SEMA3A: variants seen among roughly 807,000 people sequenced by gnomAD.
The protein encoded by SEMA3A is semaphorin-3A.
Under a neutral mutation model 97.9 loss-of-function variants are expected in SEMA3A, and 29 were observed. That is an observed-to-expected ratio of 0.30 (90% confidence interval 0.22 to 0.40). The LOEUF (loss-of-function observed/expected upper bound fraction) is 0.40. Among genes scored for constraint, SEMA3A ranks in the 10% least tolerant of loss-of-function variants. The probability of loss-of-function intolerance (pLI) is 1.00; values close to 1 mark genes in which losing one functional copy is unlikely to be tolerated. For synonymous variants in SEMA3A, 321 were observed against 323.7 expected, an observed-to-expected ratio of 0.99 and a Z score of 0.09; for missense variants, 763 against 951.3, an observed-to-expected ratio of 0.80 and a Z score of 2.60.
chr7:84,300,090 T>C (rs2115822369), intron 3 of SEMA3A, among the ~76,000 whole-genome samples: 1 of 136,752 alleles, frequency 7.3e-6, no homozygotes, highest in African/African-American at 2.7e-5. Context: ...CTATGATAAC[T>C]GAAATAAGAA....
chr7:83,970,102 T>C (rs1301194124), intron 15 of SEMA3A, among the ~76,000 whole-genome samples: 2 of 152,166 alleles, frequency 1.3e-5, no homozygotes, highest in Non-Finnish European at 2.9e-5. Flanking sequence ...AACAAAATAA[T>C]TGAGAGCAAC....
At chr7:84,456,275 G>A (rs899312281) in intron 1 of SEMA3A, among the ~76,000 whole-genome samples, 6 of 151,904 alleles carry the variant, frequency 3.9e-5, no homozygotes, top group Non-Finnish European at 5.9e-5. Context: ...AAATCAAGTC[G>A]ATTTGGGGAG....
At chr7:84,173,113 TA>T (rs1797444227) in intron 1 of SEMA3A, among the ~76,000 whole-genome samples, 1 of 152,310 alleles carries the variant, frequency 6.6e-6, no homozygotes, top group East Asian at 1.9e-4. Context: ...CTTTTTGAAG[TA>T]AAAGCATAGT....
intron 1 of SEMA3A, among the ~76,000 whole-genome samples, chr7:84,154,451 G>T (rs1458544218): frequency 6.6e-6 from 1 of 152,052 alleles, no homozygotes; most frequent in African/African-American, 2.4e-5. Flanking sequence ...GCCCAGGCAA[G>T]TGGATCACAA....
chr7:84,062,459 G>C (rs1282426358), intron 4 of SEMA3A, among the ~76,000 whole-genome samples: 1 of 152,212 alleles, frequency 6.6e-6, no homozygotes, highest in African/African-American at 2.4e-5. Context: ...ACGGCTCCCA[G>C]AGTGAGCGAC....
At chr7:84,309,983 A>C (rs1188490926) in intron 2 of SEMA3A, among the ~76,000 whole-genome samples, 1 of 152,212 alleles carries the variant, frequency 6.6e-6, no homozygotes, top group African/African-American at 2.4e-5. Context: ...AAACATTGGC[A>C]AGATCTATAA....
intron 1 of SEMA3A, among the ~76,000 whole-genome samples, chr7:84,391,671 A>C (rs750801379): frequency 2.0e-5 from 3 of 152,044 alleles, no homozygotes; most frequent in Non-Finnish European, 4.4e-5. Context: ...AAAACATTTT[A>C]AAAAATTATC....
chr7:84,394,607 T>C (rs1186282663), intron 1 of SEMA3A, among the ~76,000 whole-genome samples: 1 of 152,142 alleles, frequency 6.6e-6, no homozygotes, highest in Admixed American at 6.6e-5. Context: ...AGAGTCATAG[T>C]TGATGGCTGA....
chr7:84,442,751 A>G (rs772361365), intron 1 of SEMA3A, among the ~76,000 whole-genome samples: 26 of 152,118 alleles, frequency 1.7e-4, no homozygotes, highest in Non-Finnish European at 3.5e-4. Context: ...TCCAAAGATT[A>G]AAATGGGTCG....
intron 1 of SEMA3A, among the ~76,000 whole-genome samples, chr7:84,137,690 A>T (rs1389664210): frequency 5.2e-5 from 3 of 57,648 alleles, no homozygotes; most frequent in Admixed American, 1.7e-4. Flanking sequence ...GCCAAACTTT[A>T]AAAAAAAAAA....
chr7:84,405,967 C>T (rs920341844), intron 1 of SEMA3A, among the ~76,000 whole-genome samples: 1 of 151,874 alleles, frequency 6.6e-6, no homozygotes, highest in Non-Finnish European at 1.5e-5. Context: ...AAATTCACAC[C>T]CTAACAACAC....
At chr7:84,128,306 AAAAAG>A (rs1204623500) in intron 3 of SEMA3A, among the ~76,000 whole-genome samples, 1 of 152,132 alleles carries the variant, frequency 6.6e-6, no homozygotes, top group East Asian at 1.9e-4. Context: ...ATGGAGAAGG[AAAAAG>A]AAAAGGAAAG....
At chr7:84,384,094 A>G (rs898345840) in intron 1 of SEMA3A, among the ~76,000 whole-genome samples, 3 of 152,160 alleles carry the variant, frequency 2.0e-5, no homozygotes, top group African/African-American at 7.2e-5. Flanking sequence ...GGGACACATG[A>G]AAGTTAATGA....
chr7:84,338,121 C>G (rs1802081321), intron 2 of SEMA3A, among the ~76,000 whole-genome samples: 1 of 151,208 alleles, frequency 6.6e-6, no homozygotes. Context: ...TGTGCATATA[C>G]TGAGTATATG....
chr7:83,981,937 T>C (rs1562952907), intron 13 of SEMA3A, among the ~76,000 whole-genome samples: 1 of 152,036 alleles, frequency 6.6e-6, no homozygotes, highest in Non-Finnish European at 1.5e-5. Flanking sequence ...TTTCCTATGA[T>C]ATGGGAAGGG....
chr7:84,149,598 A>C (rs1796567353), intron 1 of SEMA3A, among the ~76,000 whole-genome samples: 1 of 152,230 alleles, frequency 6.6e-6, no homozygotes, highest in African/African-American at 2.4e-5. Context: ...AACAAGATTT[A>C]CCTCTTATAG....
chr7:84,436,002 A>C (rs1805118495), intron 1 of SEMA3A, among the ~76,000 whole-genome samples: 1 of 152,154 alleles, frequency 6.6e-6, no homozygotes, highest in South Asian at 2.1e-4. Flanking sequence ...AATGGAACCA[A>C]ATAGGGAACT....
intron 1 of SEMA3A, among the ~76,000 whole-genome samples, chr7:84,462,283 A>G (rs1039443606): frequency 5.3e-5 from 8 of 152,186 alleles, no homozygotes; most frequent in Non-Finnish European, 8.8e-5. Context: ...CATTTTCAGG[A>G]TATAATTACT....
chr7:84,118,048 G>A (rs1250560505), intron 3 of SEMA3A, among the ~76,000 whole-genome samples: 1 of 152,026 alleles, frequency 6.6e-6, no homozygotes, highest in Non-Finnish European at 1.5e-5. Context: ...CACCAATTAC[G>A]ACAAGAGCTC....
Sources: gnomAD v4.1 joint callset for allele counts (sites outside exome capture counted in the v4.1 genomes callset) on GRCh38, gnomAD v4.1.1 for gene constraint, MANE v1.5 for transcripts, NCBI Gene and HGNC (gene_info 2026-07-23, HGNC 2026-07-21) for gene names.